Variants in PSKH2 observed in about 807,000 individuals in gnomAD.
PSKH2 encodes protein serine kinase H2, also known as serine/threonine-protein kinase H2.
Under a neutral mutation model 22.5 loss-of-function variants are expected in PSKH2, and 16 were observed. The observed-to-expected ratio is 0.71, with a 90% CI of 0.48 to 1.08. The LOEUF (loss-of-function observed/expected upper bound fraction) is 1.08. Among genes scored for constraint, PSKH2 ranks in the 50% least tolerant of loss-of-function variants. PSKH2 has a pLI of 0.00. For synonymous variants in PSKH2, 188 were observed against 184.8 expected, an observed-to-expected ratio of 1.02 and a Z score of -0.14; for missense variants, 516 against 492.8, an observed-to-expected ratio of 1.05 and a Z score of -0.44.
chr8:86,058,087 T>A (rs1013537889), intron 2 of PSKH2, among the ~76,000 whole-genome samples: 6 of 152,288 alleles, frequency 3.9e-5, no homozygotes, highest in Non-Finnish European at 8.8e-5. Context: ...AGTCCTTTAC[T>A]TAGCGTCTCA....
rs747887278 is a variant in PSKH2, at chr8:86,064,327, G to A, written c.490C>T (p.Leu164Phe). ...SFTERDAVRI[L>F]QMVADGIRYL... ...CTAATCCCATCAGCAACCATCTGGA[G>A]GATCCTGACGGCATCCCGCTCTGTA... The change falls in exon 2 of 3, where the codon CTC (leucine) becomes TTC (phenylalanine). Residue 164 changes from leucine (L) to phenylalanine (F), a missense_variant. Leu to Phe is a conservative substitution (Grantham distance 22). Transcript: ENST00000276616. 38 of 1,614,024 alleles carry A rather than the reference G, an allele frequency of 2.4e-5. No individual in the cohort carries two copies. The highest frequency in any genetic ancestry group is 3.0e-5 in the Non-Finnish European group (35 of 1,180,044).
Position 86,048,323 on chromosome 8 carries a change from T to C in PSKH2, c.*139A>G, listed in dbSNP as rs1204365072. 2.8e-5 allele frequency: 18 copies of C among 651,582 alleles called. No individual in the cohort carries two copies. In the East Asian group the frequency reaches 4.1e-4, roughly 15 times the overall value. The allele number at this position is 651,582 out of a possible 1,614,324, so 40.4% of individuals were successfully genotyped here. A position where few individuals can be genotyped will look rare whatever the true frequency, so the allele number is the denominator to read the frequency against. On this transcript the variant is annotated 3_prime_UTR_variant, in exon 3 of 3. Transcript: ENST00000276616. The stretch of plus-strand genomic sequence containing the variant: ...ATGAATACAGGTATAGGAAAAATTA[T>C]AGAACAAGAAAATGTTAAAAGTCAA...
At position 86,069,583 on chromosome 8, in the gene PSKH2, G is replaced by GTGGCCCCGGGACCACCTTCCTGC; in HGVS notation, c.17_39dup (p.Pro14AlafsTer75). 5 of 1,598,650 alleles carry GTGGCCCCGGGACCACCTTCCTGC rather than the reference G, an allele frequency of 3.1e-6. No homozygotes were observed. The highest frequency in any genetic ancestry group is 3.4e-6 in the Non-Finnish European group (4 of 1,174,244). On this transcript the variant is annotated frameshift_variant, in exon 1 of 3. Transcript: ENST00000276616. LOFTEE classifies it high-confidence loss of function. ...TCGTGCTTGGCCCAAGCCAGCGCTG[G>GTGGCCCCGGGACCACCTTCCTGC]TGGCCCCGGGACCACCTTCCTGCTG...
chr8:86,050,748 T>C (rs773807660), intron 2 of PSKH2, among the ~76,000 whole-genome samples: 18 of 152,192 alleles, frequency 1.2e-4, no homozygotes, highest in Non-Finnish European at 2.2e-4. Context: ...AATTTCTAAT[T>C]GATGTGTGTT....
At chr8:86,067,926 C>T (rs1483444645) in intron 1 of PSKH2, among the ~76,000 whole-genome samples, 6 of 152,136 alleles carry the variant, frequency 3.9e-5, no homozygotes, top group Admixed American at 2.0e-4. Context: ...ATCTCTGAAG[C>T]CCTTATAATG....
At chr8:86,069,410 C>T in intron 1 of PSKH2, 28 bp downstream of exon 1, 1 of 1,541,518 alleles carries the variant, frequency 6.5e-7, no homozygotes, top group Non-Finnish European at 8.7e-7. Context: ...AGCCCAGTCC[C>T]AGGCCAGTTC....
Position 86,048,143 on chromosome 8 carries a change from C to G in PSKH2, c.*319G>C, listed in dbSNP as rs958006768. On this transcript the variant is annotated 3_prime_UTR_variant, in exon 3 of 3. Transcript: ENST00000276616. ...CTGCTATGTCTCTGGTTCACCATGC[C>G]TTCACATATACATCCCTTATTTCTA... 1.3e-5 allele frequency among the ~76,000 whole-genome samples: 2 copies of G among 152,158 alleles called. No individual in the cohort carries two copies. The highest frequency in any genetic ancestry group is 6.5e-5 in the Admixed American group (1 of 15,278).
intron 2 of PSKH2, among the ~76,000 whole-genome samples, chr8:86,054,092 C>T (rs758557821): frequency 5.9e-5 from 9 of 152,130 alleles, no homozygotes; most frequent in African/African-American, 2.2e-4. Context: ...ACAACATAGA[C>T]CCAGTCTCTA....
chr8:86,069,307 G>T (rs1414814399), intron 1 of PSKH2, 131 bp downstream of exon 1: 7 of 761,520 alleles, frequency 9.2e-6, no homozygotes, highest in South Asian at 2.2e-5. Flanking sequence ...GAAAGGGGGA[G>T]ATCAGTGCCT....
At chr8:86,054,804 T>A (rs1407510336) in intron 2 of PSKH2, among the ~76,000 whole-genome samples, 2 of 152,140 alleles carry the variant, frequency 1.3e-5, no homozygotes, top group Non-Finnish European at 2.9e-5. Context: ...TGTGAAGGGG[T>A]TCTGCTTTGA....
At chr8:86,052,532 T>C (rs1817647098) in intron 2 of PSKH2, among the ~76,000 whole-genome samples, 1 of 152,232 alleles carries the variant, frequency 6.6e-6, no homozygotes, top group Admixed American at 6.5e-5. Flanking sequence ...AGACCAAGCA[T>C]GTGAAAAAGA....
chr8:86,053,859 T>C (rs1817665568), intron 2 of PSKH2, among the ~76,000 whole-genome samples: 1 of 152,056 alleles, frequency 6.6e-6, no homozygotes, highest in Non-Finnish European at 1.5e-5. Flanking sequence ...CTGGGTAACA[T>C]AGTGAGACAC....
chr8:86,063,138 C>A (rs1475461970), intron 2 of PSKH2, among the ~76,000 whole-genome samples: 1 of 152,128 alleles, frequency 6.6e-6, no homozygotes, highest in African/African-American at 2.4e-5. Context: ...CCATAAGGCA[C>A]TAAAGGTCTG....
In PSKH2 at chr8:86,048,581, G is replaced by C; in HGVS notation, c.1039C>G (p.His347Asp). ...SRNLMQRASP[H>D]SQSPGSAQSS... ...TGTGCAGATCCAGGACTCTGAGAGT[G>C]GGGAGAGGCCCTCTGCATGAGGTTT... is the stretch of plus-strand genomic sequence containing the variant. The change falls in exon 3 of 3, where the codon CAC becomes GAC. Residue 347 changes from histidine to aspartate, a missense_variant. Transcript: ENST00000276616. 6.2e-7 allele frequency: 1 copy of C among 1,614,076 alleles called. No individual in the cohort carries two copies. The highest frequency in any genetic ancestry group is 1.1e-5 in the South Asian group (1 of 91,084).
chr8:86,048,602 G>C lies in PSKH2; in HGVS notation c.1018C>G (p.Leu340Val), dbSNP rs202104071. ...GAGTGGGGAGAGGCCCTCTGCATGA[G>C]GTTTCGGGATATGGCCCTCTGGAGA... ...KNLQRAISRNLMQRASPHSQS... is the reference protein window; with the variant it reads ...KNLQRAISRNVMQRASPHSQS... The change falls in exon 3 of 3, where the codon CTC (leucine) becomes GTC (valine). Residue 340 changes from leucine to valine, a missense_variant. By Grantham distance (32) the Leu-to-Val change is conservative (BLOSUM62 1). Coordinates refer to ENST00000276616, the MANE Select transcript of PSKH2 (RefSeq NM_033126.3). 2 of 1,614,128 alleles carry C rather than the reference G, an allele frequency of 1.2e-6. No homozygotes were observed. Among genetic ancestry groups the C allele is most frequent in the African/African-American group, 2.7e-5 (2 of 75,016 alleles).
chr8:86,069,384 G>C (rs987909442), intron 1 of PSKH2, 54 bp downstream of exon 1: 221 of 1,475,010 alleles, frequency 1.5e-4, no homozygotes, highest in Non-Finnish European at 3.6e-5. Flanking sequence ...GTCTTGGCCA[G>C]GGGTTTTTCT....
chr8:86,062,212 G>T (rs1817786649), intron 2 of PSKH2, among the ~76,000 whole-genome samples: 1 of 152,180 alleles, frequency 6.6e-6, no homozygotes, highest in African/African-American at 2.4e-5. Context: ...ATTTTTAAAT[G>T]TGCATGAATT....
chr8:86,049,556 C>A (rs1009390192), intron 2 of PSKH2, among the ~76,000 whole-genome samples: 1 of 139,818 alleles, frequency 7.2e-6, no homozygotes, highest in African/African-American at 2.7e-5. Context: ...GAGACCCTGT[C>A]TCTAAAAAGA....
chr8:86,058,377 C>A (rs1046201253), intron 2 of PSKH2, among the ~76,000 whole-genome samples: 1 of 152,310 alleles, frequency 6.6e-6, no homozygotes, highest in East Asian at 1.9e-4. Context: ...AACTCAGCAA[C>A]TAAGGATGTT....
Sources: gnomAD v4.1 joint callset for allele counts (sites outside exome capture counted in the v4.1 genomes callset) on GRCh38, gnomAD v4.1.1 for gene constraint, MANE v1.5 for transcripts, NCBI Gene and HGNC (gene_info 2026-07-23, HGNC 2026-07-21) for gene names.